The following GALK2 variants were observed in gnomAD, a reference collection of about 807,000 sequenced individuals.
GALK2 encodes the protein galactokinase 2, also known as N-acetylgalactosamine kinase.
Under a neutral mutation model 52.4 loss-of-function variants are expected in GALK2, and 36 were observed. The observed-to-expected ratio is 0.69, with a 90% CI of 0.53 to 0.91. The LOEUF (loss-of-function observed/expected upper bound fraction) is 0.91, where lower values mean the gene tolerates loss of function less well. GALK2 is among the 40% of genes least tolerant of loss of function. The pLI is 0.00. For missense variants in GALK2, 579 were observed against 559.1 expected, an observed-to-expected ratio of 1.04 and a Z score of -0.36; for synonymous variants, 176 against 199.1, an observed-to-expected ratio of 0.88 and a Z score of 0.98.
At chr15:49,180,712 C>G (rs1008967433) in intron 1 of GALK2, among the ~76,000 whole-genome samples, 1 of 152,024 alleles carries the variant, frequency 6.6e-6, no homozygotes, top group African/African-American at 2.4e-5. Flanking sequence ...TTTTAGATAC[C>G]TAATTGTAGT....
chr15:49,172,772 C>T (rs1020774416), intron 1 of GALK2, among the ~76,000 whole-genome samples: 3 of 152,056 alleles, frequency 2.0e-5, no homozygotes, highest in African/African-American at 7.2e-5. Flanking sequence ...GTACCGGTAC[C>T]GTAAGACTCT....
At chr15:49,346,753 A>G (rs2041567832) in intron 3 of GALK2, among the ~76,000 whole-genome samples, 1 of 152,182 alleles carries the variant, frequency 6.6e-6, no homozygotes, top group South Asian at 2.1e-4. Flanking sequence ...TATAACAAGT[A>G]AAAGGAAGCT....
chr15:49,244,881 T>C (rs1212011420), intron 5 of GALK2, among the ~76,000 whole-genome samples: 4 of 152,114 alleles, frequency 2.6e-5, no homozygotes, highest in Non-Finnish European at 5.9e-5. Context: ...GTTAATCTGA[T>C]ATGTTCAACC....
chr15:49,317,065 A>T (rs1210572458), intron 8 of GALK2, among the ~76,000 whole-genome samples: 1 of 152,080 alleles, frequency 6.6e-6, no homozygotes, highest in Non-Finnish European at 1.5e-5. Flanking sequence ...ATATGGGGGG[A>T]ATGTTGAAGG....
At chr15:49,245,413 G>A (rs2091300490) in intron 5 of GALK2, among the ~76,000 whole-genome samples, 1 of 151,962 alleles carries the variant, frequency 6.6e-6, no homozygotes, top group Admixed American at 6.6e-5. Context: ...TATCACTTTG[G>A]CGAAAGTAAA....
At chr15:49,293,518 G>A (rs2034147698) in intron 8 of GALK2, among the ~76,000 whole-genome samples, 1 of 152,208 alleles carries the variant, frequency 6.6e-6, no homozygotes, top group Admixed American at 6.5e-5. Flanking sequence ...GGCTGCCTTT[G>A]CACTATAAGA....
At chr15:49,288,926 T>G (rs1297888309) in intron 7 of GALK2, among the ~76,000 whole-genome samples, 2 of 152,178 alleles carry the variant, frequency 1.3e-5, no homozygotes, top group African/African-American at 4.8e-5. Flanking sequence ...CTGGACCTAG[T>G]AAGGGTTGGG....
At chr15:49,156,686 C>G (rs1235975576) in intron 1 of GALK2, 1 of 520,070 alleles carries the variant, frequency 1.9e-6, no homozygotes, top group African/African-American at 1.9e-5. Flanking sequence ...AGCATTGACA[C>G]TTTTCAATAA....
chr15:49,180,119 A>G (rs551997230), intron 1 of GALK2, among the ~76,000 whole-genome samples: 1 of 152,334 alleles, frequency 6.6e-6, no homozygotes, highest in African/African-American at 2.4e-5. Flanking sequence ...GGAAAATGAC[A>G]AAGTTTTATA....
rs552864242 is a variant in GALK2 at position 49,353,617 on chromosome 15, T to G, written c.427-13874T>G. 2.8e-3 allele frequency: 418 copies of G among 151,412 alleles called. 2 individuals are homozygous for G. Among genetic ancestry groups the G allele is most frequent in the African/African-American group, 9.8e-3 (404 of 41,372 alleles). The allele number at this position is 151,412 out of a possible 1,614,324, so 9.4% of individuals were successfully genotyped here. ...TTGAAGTTGAAGGAAAATAAGGGTTTTTTTTTTTTTTTGTAAAATCTCATA... is the reference window on the plus strand; with the variant it reads ...TTGAAGTTGAAGGAAAATAAGGGTTGTTTTTTTTTTTTGTAAAATCTCATA... On this transcript the variant is annotated intron_variant, in intron 3 of 3. Transcript: ENST00000558399.
At chr15:49,243,461 A>G (rs2091196523) in intron 5 of GALK2, among the ~76,000 whole-genome samples, 1 of 152,190 alleles carries the variant, frequency 6.6e-6, no homozygotes, top group Non-Finnish European at 1.5e-5. Context: ...GATGGTTCAT[A>G]CAGATACTGA....
chr15:49,299,763 CTTTCTTT>C (rs2034899948), intron 8 of GALK2, among the ~76,000 whole-genome samples: 5 of 112,790 alleles, frequency 4.4e-5, no homozygotes, highest in African/African-American at 1.7e-4. Context: ...TTCTTTCTTT[CTTTCTTT>C]CTTTCTTTCT....
intron 8 of GALK2, among the ~76,000 whole-genome samples, chr15:49,301,859 C>G (rs905119798): frequency 4.6e-5 from 7 of 152,118 alleles, no homozygotes; most frequent in Admixed American, 3.9e-4. Flanking sequence ...ATAATCATGA[C>G]TTTTAATAAA....
chr15:49,270,069 C>T (rs1904317), intron 5 of GALK2, among the ~76,000 whole-genome samples: 41,965 of 152,104 alleles, frequency 0.28, 6,291 homozygotes, highest in East Asian at 0.43. Flanking sequence ...GCTCCCCTAA[C>T]GTAACTATTC....
chr15:49,184,384 T>G (rs1342752155), intron 1 of GALK2, among the ~76,000 whole-genome samples: 1 of 152,212 alleles, frequency 6.6e-6, no homozygotes, highest in African/African-American at 2.4e-5. Flanking sequence ...AGTTTGTTGC[T>G]TGTAGGCAAC....
At chr15:49,236,019 T>A (rs74845419) in intron 4 of GALK2, 78 bp downstream of exon 4, 4 of 866,556 alleles carry the variant, frequency 4.6e-6, no homozygotes, top group Non-Finnish European at 7.7e-6. Flanking sequence ...ATTTACTACA[T>A]CTTTTTCATC....
intron 2 of GALK2, among the ~76,000 whole-genome samples, chr15:49,202,211 G>A (rs2141310516): frequency 6.6e-6 from 1 of 152,146 alleles, no homozygotes; most frequent in East Asian, 1.9e-4. Flanking sequence ...CTCCATGTTG[G>A]TCAGGCTGGT....
In GALK2 at chr15:49,281,971, G is replaced by A; in HGVS notation, c.505-16G>A. The A allele has an allele frequency of 6.3e-7, 1 of 1,598,780 alleles. No individual in the cohort carries two copies. The highest frequency in any genetic ancestry group is 8.6e-7 in the Non-Finnish European group (1 of 1,167,140). Reference sequence around the variant, plus strand: ...TTATGACTACTCACAGTACAAATCAGTTTTTACCTTTCCAGGTGGAACTTG... The same window carrying A: ...TTATGACTACTCACAGTACAAATCAATTTTTACCTTTCCAGGTGGAACTTG... On this transcript the variant is annotated splice_polypyrimidine_tract_variant and intron_variant, in intron 5 of 9. Transcript: ENST00000560031.
chr15:49,362,761 T>C (rs1461867499), intron 3 of GALK2, among the ~76,000 whole-genome samples: 1 of 105,892 alleles, frequency 9.4e-6, no homozygotes, highest in Admixed American at 9.3e-5. Flanking sequence ...GGTTTAGGTC[T>C]TACACTTAAG....
Sources: allele counts gnomAD v4.1 joint callset (sites outside exome capture counted in the v4.1 genomes callset), GRCh38; gene constraint gnomAD v4.1.1; transcripts MANE v1.5; gene names NCBI Gene and HGNC (gene_info 2026-07-23, HGNC 2026-07-21).